Variants in RABGAP1L observed in about 807,000 individuals in gnomAD.
RABGAP1L encodes the protein rab GTPase-activating protein 1-like.
In RABGAP1L, 63 loss-of-function variants were observed where a neutral mutation model predicts 137.7. That is an observed-to-expected ratio of 0.46 (90% CI 0.37 to 0.56). The LOEUF (loss-of-function observed/expected upper bound fraction) is 0.56. Ranked by LOEUF, RABGAP1L falls within the 20% of genes least tolerant of loss-of-function variation. The probability of loss-of-function intolerance (pLI) is 0.00; values close to 1 mark genes in which losing one functional copy is unlikely to be tolerated. For missense variants in RABGAP1L, 1,095 were observed against 1,244.0 expected (o/e 0.88, Z 1.80); for synonymous variants, 431 against 433.7 (o/e 0.99, Z 0.08).
At chr1:174,177,288 A>AGT (rs1665964746) in intron 1 of RABGAP1L, among the ~76,000 whole-genome samples, 1 of 152,144 alleles carries the variant, frequency 6.6e-6, no homozygotes, top group South Asian at 2.1e-4. Context: ...TCTTTTGAGA[A>AGT]GTGTCTGTTC....
Position 174,512,529 on chromosome 1 carries a change from G to T in RABGAP1L, c.1710+118384G>T, listed in dbSNP as rs140274763. ...ACTAAAATTTACATGTTATACTTTAGCACAACACCTTCTTCGAAGTAAAGG... is the reference window on the plus strand; with the variant it reads ...ACTAAAATTTACATGTTATACTTTATCACAACACCTTCTTCGAAGTAAAGG... On this transcript the variant is annotated intron_variant, in intron 13 of 25. Transcript: ENST00000681986. Among the ~76,000 whole-genome samples the T allele has an allele frequency of 1.2e-3, 177 of 152,250 alleles. 1 individual carries two copies. Among genetic ancestry groups the T allele is most frequent in the African/African-American group, 4.2e-3 (173 of 41,550 alleles).
At chr1:174,510,837 C>A (rs1662268674) in intron 13 of RABGAP1L, among the ~76,000 whole-genome samples, 1 of 152,092 alleles carries the variant, frequency 6.6e-6, no homozygotes, top group Non-Finnish European at 1.5e-5. Context: ...CATATTTATC[C>A]TAAGATACTA....
intron 12 of RABGAP1L, among the ~76,000 whole-genome samples, chr1:174,376,768 T>C (rs911542736): frequency 6.6e-6 from 1 of 152,162 alleles, no homozygotes; most frequent in Non-Finnish European, 1.5e-5. Context: ...AACTTAAGAA[T>C]GACAGATCCC....
intron 1 of RABGAP1L, among the ~76,000 whole-genome samples, chr1:174,204,739 A>G (rs763587202): frequency 2.8e-4 from 43 of 152,096 alleles, no homozygotes; most frequent in Admixed American, 9.2e-4. Flanking sequence ...CTGGGGGCGG[A>G]TGTCTCCCTT....
chr1:174,330,343 G>A (rs1680924288), intron 11 of RABGAP1L, among the ~76,000 whole-genome samples: 1 of 152,184 alleles, frequency 6.6e-6, no homozygotes, highest in South Asian at 2.1e-4. Context: ...ACTTTCGGAG[G>A]CTGAGGCAGG....
At chr1:174,905,772 C>A (rs186922889) in intron 19 of RABGAP1L, among the ~76,000 whole-genome samples, 272 of 151,960 alleles carry the variant, frequency 1.8e-3, no homozygotes, top group Non-Finnish European at 3.1e-3. Context: ...AATCACTTGA[C>A]CCCACAAGGT....
At chr1:174,418,349 G>A (rs534890175) in intron 13 of RABGAP1L, among the ~76,000 whole-genome samples, 5 of 152,284 alleles carry the variant, frequency 3.3e-5, no homozygotes, top group African/African-American at 4.8e-5. Context: ...TACCATATAA[G>A]AGGAAAAATT....
At chr1:174,702,570 A>C (rs1156829802) in intron 17 of RABGAP1L, among the ~76,000 whole-genome samples, 1 of 152,174 alleles carries the variant, frequency 6.6e-6, no homozygotes, top group African/African-American at 2.4e-5. Context: ...GGTTAAATAA[A>C]TGAATTTAGA....
At chr1:174,803,301 A>G (rs932569221) in intron 18 of RABGAP1L, among the ~76,000 whole-genome samples, 2 of 152,252 alleles carry the variant, frequency 1.3e-5, no homozygotes, top group Non-Finnish European at 2.9e-5. Flanking sequence ...CACCCAGTTA[A>G]GGACAATTTT....
chr1:174,300,872 A>G (rs114692948), intron 10 of RABGAP1L, among the ~76,000 whole-genome samples: 9,213 of 152,210 alleles, frequency 0.061, 973 homozygotes, highest in African/African-American at 0.21. Context: ...TCTCAAATGA[A>G]TGAATGAATG....
chr1:174,597,759 T>C lies in RABGAP1L; in HGVS notation c.1711-39616T>C, dbSNP rs568828823. Among the ~76,000 whole-genome samples the C allele has an allele frequency of 2.6e-5, 4 of 152,354 alleles. No individual in the cohort carries two copies. The South Asian group carries it at 8.3e-4, about 32-fold the overall frequency. On this transcript the variant is annotated intron_variant, in intron 13 of 25. Coordinates refer to ENST00000681986, the MANE Select transcript of RABGAP1L (RefSeq NM_001366446.1). ...TCTGCTTTCATCTTAGTTATTTCTTTGTTCTACATTTTAATGTAGGCACTT... is the reference window on the plus strand; with the variant it reads ...TCTGCTTTCATCTTAGTTATTTCTTCGTTCTACATTTTAATGTAGGCACTT...
At chr1:174,496,567 G>T (rs1660749080) in intron 13 of RABGAP1L, among the ~76,000 whole-genome samples, 1 of 152,200 alleles carries the variant, frequency 6.6e-6, no homozygotes, top group African/African-American at 2.4e-5. Context: ...AGTAGTGGTT[G>T]CCAAGAAGAC....
chr1:174,325,576 A>C (rs1391680143), intron 11 of RABGAP1L, among the ~76,000 whole-genome samples: 4 of 152,212 alleles, frequency 2.6e-5, no homozygotes, highest in Non-Finnish European at 5.9e-5. Context: ...AAGCCATTAC[A>C]GTACCACACG....
intron 11 of RABGAP1L, among the ~76,000 whole-genome samples, chr1:174,310,017 TTTATTA>T: frequency 6.7e-6 from 1 of 149,308 alleles, no homozygotes; most frequent in African/African-American, 2.6e-5. Flanking sequence ...TGGGAGACTG[TTTATTA>T]CTGATCCAGT....
At chr1:174,496,047 A>T (rs1660704383) in intron 13 of RABGAP1L, among the ~76,000 whole-genome samples, 1 of 152,088 alleles carries the variant, frequency 6.6e-6, no homozygotes, top group Non-Finnish European at 1.5e-5. Flanking sequence ...TTTGAGTTTA[A>T]ATTTTTTTTT....
chr1:174,728,382 A>C (rs1682171402), intron 17 of RABGAP1L, among the ~76,000 whole-genome samples: 1 of 152,160 alleles, frequency 6.6e-6, no homozygotes, highest in African/African-American at 2.4e-5. Context: ...CAATAGCCAC[A>C]CACACAAAAT....
At chr1:174,583,208 C>G (rs2148096085) in intron 13 of RABGAP1L, among the ~76,000 whole-genome samples, 1 of 152,260 alleles carries the variant, frequency 6.6e-6, no homozygotes, top group South Asian at 2.1e-4. Flanking sequence ...GGACTTAACA[C>G]AGACATATTG....
intron 13 of RABGAP1L, among the ~76,000 whole-genome samples, chr1:174,610,031 C>A (rs1274871693): frequency 7.2e-6 from 1 of 139,562 alleles, no homozygotes; most frequent in Non-Finnish European, 1.6e-5. Flanking sequence ...TTTTGGTATG[C>A]GTTTTTTTTT....
chr1:174,324,259 T>C (rs1177805352), intron 11 of RABGAP1L, among the ~76,000 whole-genome samples: 2 of 152,132 alleles, frequency 1.3e-5, no homozygotes, highest in African/African-American at 2.4e-5. Context: ...GCAGAAGAGA[T>C]AGATTAGAGA....
Sources: allele counts gnomAD v4.1 joint callset (sites outside exome capture counted in the v4.1 genomes callset), GRCh38; gene constraint gnomAD v4.1.1; transcripts MANE v1.5; gene names NCBI Gene and HGNC (gene_info 2026-07-23, HGNC 2026-07-21).